RPS6KC1: variants seen among roughly 807,000 people sequenced by gnomAD.
The protein encoded by RPS6KC1 is ribosomal protein S6 kinase C1.
Under a neutral mutation model 103.8 loss-of-function variants are expected in RPS6KC1, and 54 were observed. The observed-to-expected ratio is 0.52, with a 90% CI of 0.42 to 0.65. The LOEUF (loss-of-function observed/expected upper bound fraction) is 0.65, where lower values mean the gene tolerates loss of function less well. RPS6KC1 is among the 30% of genes least tolerant of loss of function. The pLI, the probability that RPS6KC1 is intolerant of heterozygous loss-of-function variation, is 0.00. For synonymous variants in RPS6KC1, 439 were observed against 438.7 expected, an observed-to-expected ratio of 1.00 and a Z score of -0.01; for missense variants, 1,151 against 1,253.8, an observed-to-expected ratio of 0.92 and a Z score of 1.24.
At chr1:213,126,978 A>G (rs1364195910) in intron 5 of RPS6KC1, among the ~76,000 whole-genome samples, 1 of 152,108 alleles carries the variant, frequency 6.6e-6, no homozygotes. Flanking sequence ...AATCCTGAGG[A>G]TATCATTTTC....
the RPS6KC1 span, among the ~76,000 whole-genome samples, chr1:213,714,925 C>T: frequency 6.6e-6 from 1 of 152,124 alleles, no homozygotes; most frequent in Non-Finnish European, 1.5e-5. Flanking sequence ...GCCATCAATC[C>T]CCAGGATTCT....
chr1:213,643,696 A>C, the RPS6KC1 span, among the ~76,000 whole-genome samples: 1 of 151,884 alleles, frequency 6.6e-6, no homozygotes, highest in African/African-American at 2.4e-5. Context: ...TAGGAGGGAA[A>C]AGGTCTTTGT....
the RPS6KC1 span, among the ~76,000 whole-genome samples, chr1:213,484,768 C>T: frequency 6.6e-6 from 1 of 152,188 alleles, no homozygotes; most frequent in East Asian, 1.9e-4. Context: ...GATTCAATTG[C>T]AAATAGCTTT....
At chr1:213,348,551 A>G in the RPS6KC1 span, among the ~76,000 whole-genome samples, 1 of 152,166 alleles carries the variant, frequency 6.6e-6, no homozygotes, top group South Asian at 2.1e-4. Context: ...GAAAATATGC[A>G]AAAAACGTGG....
the RPS6KC1 span, among the ~76,000 whole-genome samples, chr1:213,772,089 C>A: frequency 2.5e-4 from 38 of 152,126 alleles, no homozygotes; most frequent in Non-Finnish European, 4.1e-4. Context: ...TTATATGTTT[C>A]AATTACTATT....
At chr1:213,174,810 A>G (rs1240523660) in intron 7 of RPS6KC1, among the ~76,000 whole-genome samples, 3 of 152,070 alleles carry the variant, frequency 2.0e-5, no homozygotes, top group Non-Finnish European at 2.9e-5. Context: ...AGGCAGAAAT[A>G]TATCCGTTTT....
chr1:213,402,215 G>A, the RPS6KC1 span, among the ~76,000 whole-genome samples: 2 of 152,138 alleles, frequency 1.3e-5, no homozygotes, highest in Non-Finnish European at 2.9e-5. Flanking sequence ...TATTCTTTTA[G>A]CAAACATGGT....
At chr1:213,705,860 G>A in the RPS6KC1 span, among the ~76,000 whole-genome samples, 1 of 152,188 alleles carries the variant, frequency 6.6e-6, no homozygotes, top group Non-Finnish European at 1.5e-5. Context: ...TTCTGGCCCA[G>A]GGTGTATCTA....
chr1:213,053,014 G>C (rs1408418892), intron 1 of RPS6KC1, among the ~76,000 whole-genome samples: 2 of 152,224 alleles, frequency 1.3e-5, no homozygotes, highest in East Asian at 3.8e-4. Context: ...TCGGAGAATA[G>C]AGGGATGTTT....
At chr1:213,418,182 A>G in the RPS6KC1 span, among the ~76,000 whole-genome samples, 9 of 152,180 alleles carry the variant, frequency 5.9e-5, no homozygotes, top group Non-Finnish European at 1.2e-4. Flanking sequence ...GGTTTTGCCA[A>G]CCTTAAATAG....
At chr1:213,137,171 T>C (rs976069233) in intron 6 of RPS6KC1, among the ~76,000 whole-genome samples, 4 of 152,100 alleles carry the variant, frequency 2.6e-5, no homozygotes, top group Non-Finnish European at 5.9e-5. Flanking sequence ...CTCATTTTCT[T>C]CTTTCCCTTT....
the RPS6KC1 span, among the ~76,000 whole-genome samples, chr1:213,467,477 C>T: frequency 6.6e-6 from 1 of 152,196 alleles, no homozygotes; most frequent in Non-Finnish European, 1.5e-5. Context: ...TGAAGCAATA[C>T]ATTAACATGT....
chr1:213,135,994 C>A (rs2086227992), intron 6 of RPS6KC1, among the ~76,000 whole-genome samples: 2 of 152,186 alleles, frequency 1.3e-5, no homozygotes, highest in Admixed American at 6.6e-5. Flanking sequence ...AAGAGGCTCA[C>A]ATAGAAAACA....
the RPS6KC1 span, among the ~76,000 whole-genome samples, chr1:213,431,286 A>AT: frequency 6.6e-6 from 1 of 152,082 alleles, no homozygotes; most frequent in African/African-American, 2.4e-5. Flanking sequence ...TTTTAATGAG[A>AT]TTTTTTTAAA....
the RPS6KC1 span, among the ~76,000 whole-genome samples, chr1:213,513,852 A>T: frequency 6.6e-6 from 1 of 152,222 alleles, no homozygotes; most frequent in Non-Finnish European, 1.5e-5. Flanking sequence ...ATCAGTGAAC[A>T]TGCACCATTC....
At chr1:213,571,014 C>G in the RPS6KC1 span, among the ~76,000 whole-genome samples, 1 of 152,226 alleles carries the variant, frequency 6.6e-6, no homozygotes, top group Non-Finnish European at 1.5e-5. Flanking sequence ...ATAAATTAGT[C>G]TTTAAATGCG....
chr1:213,637,349 C>T, the RPS6KC1 span, among the ~76,000 whole-genome samples: 2 of 146,146 alleles, frequency 1.4e-5, no homozygotes, highest in African/African-American at 2.5e-5. Context: ...TAGCAACCAA[C>T]TATGACTTGG....
At chr1:213,842,655 T>A in the RPS6KC1 span, among the ~76,000 whole-genome samples, 1 of 152,200 alleles carries the variant, frequency 6.6e-6, no homozygotes, top group Non-Finnish European at 1.5e-5. Context: ...GAAAAATGCA[T>A]GCAGTTGACA....
At chr1:213,400,921 G>A in the RPS6KC1 span, among the ~76,000 whole-genome samples, 1 of 152,054 alleles carries the variant, frequency 6.6e-6, no homozygotes, top group South Asian at 2.1e-4. Flanking sequence ...TGGCCAGGCT[G>A]GTCTCGAACT....
Sources: gnomAD v4.1 joint callset for allele counts (sites outside exome capture counted in the v4.1 genomes callset) on GRCh38, gnomAD v4.1.1 for gene constraint, MANE v1.5 for transcripts, NCBI Gene and HGNC (gene_info 2026-07-23, HGNC 2026-07-21) for gene names.